Variants in BICD1 observed in about 807,000 individuals in gnomAD.
The protein encoded by BICD1 is protein bicaudal D homolog 1.
Under a neutral mutation model 92.5 loss-of-function variants are expected in BICD1, and 35 were observed. The observed-to-expected ratio is 0.38, with a 90% CI of 0.29 to 0.50. The LOEUF is 0.50. BICD1 is among the 20% of genes least tolerant of loss of function. The probability of loss-of-function intolerance (pLI) is 0.93; values close to 1 mark genes in which losing one functional copy is unlikely to be tolerated. For synonymous variants in BICD1, 429 were observed against 465.1 expected, an observed-to-expected ratio of 0.92 and a Z score of 1.00; for missense variants, 950 against 1,189.8, an observed-to-expected ratio of 0.80 and a Z score of 2.97.
intron 2 of BICD1, among the ~76,000 whole-genome samples, chr12:32,262,719 G>A (rs1208653966): frequency 6.6e-6 from 1 of 152,214 alleles, no homozygotes; most frequent in African/African-American, 2.4e-5. Flanking sequence ...TTGGAATTCT[G>A]CTGCCATAAG....
At chr12:32,266,409 C>T (rs1946997654) in intron 2 of BICD1, among the ~76,000 whole-genome samples, 1 of 152,150 alleles carries the variant, frequency 6.6e-6, no homozygotes, top group Non-Finnish European at 1.5e-5. Context: ...TGATAACAGG[C>T]CACATTCTAA....
At chr12:32,202,084 A>T (rs1275118717) in intron 1 of BICD1, among the ~76,000 whole-genome samples, 2 of 152,206 alleles carry the variant, frequency 1.3e-5, no homozygotes, top group East Asian at 3.8e-4. Context: ...GTTGCCCACC[A>T]TTTTTGAACC....
At chr12:32,258,828 C>T (rs961287675) in intron 2 of BICD1, among the ~76,000 whole-genome samples, 5 of 152,184 alleles carry the variant, frequency 3.3e-5, no homozygotes, top group Non-Finnish European at 5.9e-5. Flanking sequence ...AAAGAGGAAC[C>T]AGGAGTACGG....
intron 2 of BICD1, among the ~76,000 whole-genome samples, chr12:32,281,129 G>A (rs1947401486): frequency 6.6e-6 from 1 of 152,026 alleles, no homozygotes; most frequent in Admixed American, 6.5e-5. Context: ...TATGGGAAAT[G>A]GTGTTCTGGA....
At position 32,216,403 on chromosome 12, in the gene BICD1, A is replaced by G. The variant is rs1471080932; in HGVS notation, c.370A>G (p.Thr124Ala). The G allele has an allele frequency of 6.2e-7, 1 of 1,614,224 alleles. No homozygotes were observed. The highest frequency in any genetic ancestry group is 8.5e-7 in the Non-Finnish European group (1 of 1,180,040). Residue 124 changes from threonine to alanine, a missense_variant, in exon 2 of 10, where the codon ACT becomes GCT. Thr to Ala is a moderately conservative substitution (Grantham distance 58, BLOSUM62 0). Around this residue, in one of 5 missense-constraint regions of BICD1, gnomAD observed 202 missense variants for 205.3 expected, o/e 0.98. Coordinates refer to ENST00000652176, the MANE Select transcript of BICD1 (RefSeq NM_001714.4). ...NELKQSRAVV[T>A]NVQAENERLT... Reference sequence around the variant, plus strand: ...GCTGAAACAGAGCCGGGCTGTGGTCACTAATGTACAGGCAGAAAACGAGAG... The same window carrying G: ...GCTGAAACAGAGCCGGGCTGTGGTCGCTAATGTACAGGCAGAAAACGAGAG...
Position 32,327,943 on chromosome 12 carries a change from A to C in BICD1, c.1488A>C (p.Glu496Asp). ...ELQKMTSIAN[E>D]NHSTLNTAQD... ...AAAAGATGACCAGCATAGCCAACGA[A>C]AATCACAGTACCCTTAATACGGCCC... The change falls in exon 5 of 10, where the codon GAA becomes GAC. Residue 496 changes from glutamate (E) to aspartate (D), a missense_variant. By Grantham distance (45) the Glu-to-Asp change is conservative (BLOSUM62 2). This residue lies in a region of BICD1 where 309 missense variants were observed against 499.4 expected (regional missense o/e 0.62). Transcript: ENST00000652176. The C allele has an allele frequency of 6.2e-7, 1 of 1,614,174 alleles. No homozygotes were observed. Among genetic ancestry groups the C allele is most frequent in the Non-Finnish European group, 8.5e-7 (1 of 1,180,028 alleles).
At chr12:32,282,825 A>T (rs1359042397) in intron 2 of BICD1, among the ~76,000 whole-genome samples, 1 of 152,216 alleles carries the variant, frequency 6.6e-6, no homozygotes, top group Non-Finnish European at 1.5e-5. Flanking sequence ...AGAGGAAGAT[A>T]CAGAGGTGGC....
At chr12:32,220,480 A>C (rs1945483134) in intron 2 of BICD1, among the ~76,000 whole-genome samples, 1 of 152,064 alleles carries the variant, frequency 6.6e-6, no homozygotes, top group East Asian at 1.9e-4. Context: ...GCAGCCAAAA[A>C]ACACATGAAA....
At chr12:32,311,143 C>T (rs1413773592) in intron 4 of BICD1, among the ~76,000 whole-genome samples, 1 of 152,142 alleles carries the variant, frequency 6.6e-6, no homozygotes, top group Non-Finnish European at 1.5e-5. Context: ...CCAAGGTGGT[C>T]GGGGTACAGC....
intron 2 of BICD1, among the ~76,000 whole-genome samples, chr12:32,236,226 C>G (rs1286275848): frequency 6.6e-6 from 1 of 151,444 alleles, no homozygotes; most frequent in Non-Finnish European, 1.5e-5. Flanking sequence ...AACCCCATCT[C>G]TACTAAAAAT....
intron 2 of BICD1, among the ~76,000 whole-genome samples, chr12:32,246,598 A>G (rs811078): frequency 0.42 from 64,109 of 151,966 alleles, 13,771 homozygotes; most frequent in Non-Finnish European, 0.47. Context: ...TGATGGTGTC[A>G]ATGAACTCTA....
At chr12:32,156,053 C>A (rs1316488398) in intron 1 of BICD1, among the ~76,000 whole-genome samples, 2 of 152,124 alleles carry the variant, frequency 1.3e-5, no homozygotes, top group African/African-American at 2.4e-5. Flanking sequence ...CTGTTGCTGC[C>A]CATTGAGAGA....
intron 2 of BICD1, among the ~76,000 whole-genome samples, chr12:32,265,310 T>C (rs892217987): frequency 2.0e-5 from 3 of 152,138 alleles, no homozygotes; most frequent in African/African-American, 7.2e-5. Flanking sequence ...TCTTACTTCA[T>C]CATGGCTAGA....
At chr12:32,330,105 A>T (rs186202815) in intron 5 of BICD1, among the ~76,000 whole-genome samples, 20 of 152,220 alleles carry the variant, frequency 1.3e-4, no homozygotes, top group African/African-American at 4.3e-4. Flanking sequence ...CGCCCTTATT[A>T]TCTCATCTAC....
chr12:32,159,106 G>T (rs1289037942), intron 1 of BICD1, among the ~76,000 whole-genome samples: 4 of 152,072 alleles, frequency 2.6e-5, no homozygotes, highest in African/African-American at 4.8e-5. Flanking sequence ...GCTAATTTTT[G>T]TATTTTTAAT....
rs1592681268 is a variant in BICD1, at chr12:32,328,388, C to T, written c.1933C>T (p.Arg645Trp). 6.2e-7 allele frequency: 1 copy of T among 1,614,222 alleles called. No individual in the cohort carries two copies. Residue 645 changes from arginine to tryptophan, a missense_variant, in exon 5 of 10, where the codon CGG becomes TGG. Arg to Trp is a moderately radical substitution (Grantham distance 101). Coordinates refer to ENST00000652176, the MANE Select transcript of BICD1 (RefSeq NM_001714.4). The surrounding 1 kb of genome is among the most constrained non-coding windows in gnomAD (Gnocchi z 4.4). ...QIKHLQKAVD[R>W]SLQLSRQRAA... ...CAAGCATCTGCAGAAAGCTGTGGACCGGTCCTTGCAACTGTCTCGTCAAAG... is the reference window on the plus strand; with the variant it reads ...CAAGCATCTGCAGAAAGCTGTGGACTGGTCCTTGCAACTGTCTCGTCAAAG...
At chr12:32,135,441 C>T (rs1470400013) in intron 1 of BICD1, among the ~76,000 whole-genome samples, 2 of 118,026 alleles carry the variant, frequency 1.7e-5, no homozygotes, top group Non-Finnish European at 3.2e-5. Context: ...TGCGCTGTCA[C>T]CTAGGCTGGA....
In BICD1 at chr12:32,224,111, G is replaced by A. The variant is rs561118747; in HGVS notation, c.426+7652G>A. Among the ~76,000 whole-genome samples, 11 of 152,274 alleles carry A rather than the reference G, an allele frequency of 7.2e-5. No individual in the cohort carries two copies. In the South Asian group the frequency reaches 2.3e-3, roughly 32 times the overall value. On this transcript the variant is annotated intron_variant, in intron 2 of 9. Coordinates refer to ENST00000652176, the MANE Select transcript of BICD1 (RefSeq NM_001714.4). The stretch of plus-strand genomic sequence containing the variant: ...CTCTGATGTTTCCTTCTGAGTAATT[G>A]GTCATTGGGAGCTGTGGTTACACAT...
chr12:32,211,511 G>A (rs1945214454), intron 1 of BICD1, among the ~76,000 whole-genome samples: 1 of 152,116 alleles, frequency 6.6e-6, no homozygotes, highest in South Asian at 2.1e-4. Flanking sequence ...AATCAAGGGT[G>A]GAACAATAAA....
Sources: allele counts gnomAD v4.1 joint callset (sites outside exome capture counted in the v4.1 genomes callset), GRCh38; gene constraint gnomAD v4.1.1; regional missense constraint gnomAD v4.1.1; non-coding constraint Gnocchi (gnomAD v3.1); transcripts MANE v1.5; gene names NCBI Gene and HGNC (gene_info 2026-07-23, HGNC 2026-07-21).